Variants in PRKCZ observed in about 807,000 individuals in gnomAD.
PRKCZ encodes the protein protein kinase C zeta type.
PRKCZ carries 33 observed loss-of-function variants against 79.5 expected under a neutral mutation model. That is an observed-to-expected ratio of 0.41 (90% CI 0.31 to 0.55). The LOEUF (loss-of-function observed/expected upper bound fraction) is 0.55, where lower values mean the gene tolerates loss of function less well. Ranked by LOEUF, PRKCZ falls within the 20% of genes least tolerant of loss-of-function variation. The pLI is 0.19. For synonymous variants in PRKCZ, 342 were observed against 320.9 expected (o/e 1.07, Z -0.70); for missense variants, 578 against 813.5 (o/e 0.71, Z 3.52).
intron 4 of PRKCZ, among the ~76,000 whole-genome samples, chr1:2,077,476 T>C (rs1268618056): frequency 6.6e-6 from 1 of 152,208 alleles, no homozygotes; most frequent in Non-Finnish European, 1.5e-5. Context: ...CCCGTGAGGC[T>C]GTGTCAAGTG....
In PRKCZ at chr1:2,153,447, AGCTGGG is replaced by A. The variant is rs375725124; in HGVS notation, c.876+2480_876+2485del. 3.1e-3 allele frequency among the ~76,000 whole-genome samples: 478 copies of A among 152,270 alleles called. 5 individuals carry two copies. Among genetic ancestry groups the A allele is most frequent in the African/African-American group, 0.011 (439 of 41,556 alleles). ...GCCATGCTCGGGGCTGGGAGGGCAG[AGCTGGG>A]GCTGGGGCTGAGCCTCTACTACCTC... On this transcript the variant is annotated intron_variant, in intron 9 of 17. Transcript: ENST00000378567.
chr1:2,059,545 C>T lies in PRKCZ; in HGVS notation c.288C>T (p.Phe96=), dbSNP rs200302049. 1.9e-6 allele frequency: 3 copies of T among 1,614,192 alleles called. No homozygotes were observed. The highest frequency in any genetic ancestry group is 2.7e-5 in the African/African-American group (2 of 75,062). The change falls in exon 4 of 18, where the codon TTC becomes TTT. Residue 96 remains phenylalanine, a synonymous_variant. Transcript: ENST00000378567. ...CRDEGLIIHV[F]PSTPEQPGLP... is the part of the protein sequence containing the mutation. ...CTCTTTCTCTCTCTTGTCCAGTTTT[C>T]CCGAGCACCCCTGAGCAGCCTGGCC...
intron 1 of PRKCZ, among the ~76,000 whole-genome samples, chr1:2,051,227 C>T (rs938088175): frequency 1.3e-5 from 2 of 150,978 alleles, no homozygotes; most frequent in Middle Eastern, 6.8e-3. Flanking sequence ...GACGGTGGGG[C>T]CGAGACTGAC....
chr1:2,184,520 ACACT>A lies in PRKCZ; in HGVS notation c.1576-60_1576-57del, dbSNP rs1266776826. 16 of 1,259,844 alleles carry A rather than the reference ACACT, an allele frequency of 1.3e-5. 2 individuals are homozygous for A. The Middle Eastern group carries it at 2.2e-3, about 175-fold the overall frequency. 78.0% of individuals were successfully genotyped at this position (1,259,844 alleles called of 1,614,324 possible). On this transcript the variant is annotated intron_variant, in intron 16 of 17. Transcript: ENST00000378567. ...ATTTTGTGATTGAAGTGCGTGCAAA[ACACT>A]CAATCTGGTAGGGATGATGCCCGCG... is the stretch of plus-strand genomic sequence containing the variant.
Position 2,168,190 on chromosome 1 carries a change from G to A in PRKCZ, c.975-1328G>A, listed in dbSNP as rs1254435538. Among the ~76,000 whole-genome samples the A allele has an allele frequency of 1.3e-5, 2 of 152,170 alleles. No individual in the cohort carries two copies. The highest frequency in any genetic ancestry group is 2.4e-5 in the African/African-American group (1 of 41,432). On this transcript the variant is annotated intron_variant, in intron 10 of 17. Coordinates refer to ENST00000378567, the MANE Select transcript of PRKCZ (RefSeq NM_002744.6). The surrounding 1 kb of genome is among the most constrained non-coding windows in gnomAD (Gnocchi z 4.7). ...TTGGCTTTGCGGCCACAGGGTCTCT[G>A]TTAGCAACTCCCTCTGCCACGGTGG... is the stretch of plus-strand genomic sequence containing the variant.
chr1:2,061,485 G>A (rs1389227391), intron 4 of PRKCZ, among the ~76,000 whole-genome samples: 2 of 152,166 alleles, frequency 1.3e-5, no homozygotes, highest in Non-Finnish European at 1.5e-5. Flanking sequence ...CCGAGTCACC[G>A]TGGGGAATGC....
Position 2,165,799 on chromosome 1 carries a change from G to GC in PRKCZ, c.975-3717dup, listed in dbSNP as rs1683204152. ...AGAGGGCTGTGGTTCCTCCCTCTGA[G>GC]CCGGGCACCTTGCATTCCTGGAAGG... On this transcript the variant is annotated intron_variant, in intron 10 of 17. Coordinates refer to ENST00000378567, the MANE Select transcript of PRKCZ (RefSeq NM_002744.6). The surrounding 1 kb of genome is among the most constrained non-coding windows in gnomAD (Gnocchi z 4.1). Among the ~76,000 whole-genome samples the GC allele has an allele frequency of 6.6e-6, 1 of 152,172 alleles. No individual in the cohort carries two copies. Among genetic ancestry groups the GC allele is most frequent in the African/African-American group, 2.4e-5 (1 of 41,432 alleles).
chr1:2,059,326 T>TAA (rs1660458279), intron 3 of PRKCZ, among the ~76,000 whole-genome samples: 1 of 152,254 alleles, frequency 6.6e-6, no homozygotes, highest in Non-Finnish European at 1.5e-5. Flanking sequence ...GATTGCCTTT[T>TAA]ACTCTAAGTT....
At chr1:2,180,723 C>T (rs756436112) in intron 16 of PRKCZ, among the ~76,000 whole-genome samples, 19 of 152,176 alleles carry the variant, frequency 1.2e-4, no homozygotes, top group East Asian at 1.9e-4. Flanking sequence ...CTCAGATGAC[C>T]GCTGCTGTGC....
chr1:2,050,503 C>G lies in PRKCZ; in HGVS notation c.-128C>G, dbSNP rs1029449137. On this transcript the variant is annotated 5_prime_UTR_variant, in exon 1 of 18. Transcript: ENST00000378567. ...CGCCGCCGGAGTTCCGCGGAGTTGA[C>G]CGGGTCGGCGCCGTCGGTCCTGAGC... 6.4e-6 allele frequency: 3 copies of G among 470,886 alleles called. No individual in the cohort carries two copies. The highest frequency in any genetic ancestry group is 6.3e-6 in the Non-Finnish European group (2 of 318,506). 29.2% of individuals were successfully genotyped at this position (470,886 alleles called of 1,614,324 possible). A position where few individuals can be genotyped will look rare whatever the true frequency, so the allele number is the denominator to read the frequency against.
upstream of PRKCZ, among the ~76,000 whole-genome samples, chr1:2,048,624 A>C (rs1454528044): frequency 6.6e-6 from 1 of 151,996 alleles, no homozygotes; most frequent in African/African-American, 2.4e-5. Context: ...AGAAAGATGG[A>C]GTGGGGGAAG....
chr1:2,096,941 T>C (rs528998558), intron 4 of PRKCZ, among the ~76,000 whole-genome samples: 3 of 152,336 alleles, frequency 2.0e-5, no homozygotes, highest in East Asian at 3.9e-4. Flanking sequence ...TAACAGGGCT[T>C]GTCACTGAGC....
intron 16 of PRKCZ, among the ~76,000 whole-genome samples, chr1:2,180,187 T>TG (rs1686281528): frequency 6.6e-6 from 1 of 152,166 alleles, no homozygotes; most frequent in Non-Finnish European, 1.5e-5. Context: ...CGCGAACCCC[T>TG]CTGTCCACCC....
intron 4 of PRKCZ, among the ~76,000 whole-genome samples, chr1:2,070,938 G>A (rs1028724070): frequency 6.6e-6 from 1 of 151,638 alleles, no homozygotes; most frequent in Non-Finnish European, 1.5e-5. Context: ...CGCCCTCATA[G>A]CCCTGTAGCC....
At chr1:2,055,804 G>T (rs1660106367) in intron 2 of PRKCZ, 3 of 490,122 alleles carry the variant, frequency 6.1e-6, no homozygotes, top group Non-Finnish European at 1.1e-5. Context: ...CCTGCAGGGG[G>T]TCTCCCTGCC....
chr1:2,181,300 G>A (rs1686565717), intron 16 of PRKCZ, among the ~76,000 whole-genome samples: 1 of 152,048 alleles, frequency 6.6e-6, no homozygotes, highest in Non-Finnish European at 1.5e-5. Flanking sequence ...ACCTCCCCCA[G>A]GCTATTTCTC....
intron 4 of PRKCZ, among the ~76,000 whole-genome samples, chr1:2,132,271 C>T (rs1462015008): frequency 6.6e-6 from 1 of 152,212 alleles, no homozygotes; most frequent in African/African-American, 2.4e-5. Context: ...TTCCGTTGGA[C>T]GCCCACACAT....
At position 2,079,032 on chromosome 1, in the gene PRKCZ, C is replaced by T. The variant is rs188588859; in HGVS notation, c.334+19441C>T. Among the ~76,000 whole-genome samples the T allele has an allele frequency of 7.4e-4, 112 of 152,182 alleles. No homozygotes were observed. In the East Asian group the frequency reaches 0.016, roughly 22 times the overall value. Reference sequence around the variant, plus strand: ...TAATTTTTTGTAGTTTTAGTAGAGACGGGGTTTCACCGTGTTAGCCAGGAT... The same window carrying T: ...TAATTTTTTGTAGTTTTAGTAGAGATGGGGTTTCACCGTGTTAGCCAGGAT... On this transcript the variant is annotated intron_variant, in intron 4 of 17. Coordinates refer to ENST00000378567, the MANE Select transcript of PRKCZ (RefSeq NM_002744.6).
At chr1:2,096,887 C>T (rs1666622664) in intron 4 of PRKCZ, among the ~76,000 whole-genome samples, 1 of 152,180 alleles carries the variant, frequency 6.6e-6, no homozygotes, top group African/African-American at 2.4e-5. Flanking sequence ...AGGACGAGGC[C>T]CCTTGAGGCT....
Sources: gnomAD v4.1 joint callset for allele counts (sites outside exome capture counted in the v4.1 genomes callset) on GRCh38, gnomAD v4.1.1 for gene constraint, Gnocchi (gnomAD v3.1) non-coding constraint, MANE v1.5 for transcripts, NCBI Gene and HGNC (gene_info 2026-07-23, HGNC 2026-07-21) for gene names.